GABBR2: variants seen among roughly 807,000 people sequenced by gnomAD.
GABBR2 encodes G-protein coupled receptor 51.
In GABBR2, 23 loss-of-function variants were observed where a neutral mutation model predicts 105.6. The ratio of observed to expected loss-of-function variants is 0.22; its 90% CI spans 0.16 to 0.31. The LOEUF (loss-of-function observed/expected upper bound fraction) is 0.31. Among genes scored for constraint, GABBR2 ranks in the 10% least tolerant of loss-of-function variants. GABBR2 has a pLI of 1.00. For missense variants in GABBR2, 734 were observed against 1,245.5 expected (o/e 0.59, Z 6.18); for synonymous variants, 478 against 499.7 (o/e 0.96, Z 0.58).
At chr9:98,577,205 T>C (rs564457440) in intron 2 of GABBR2, among the ~76,000 whole-genome samples, 1 of 151,180 alleles carries the variant, frequency 6.6e-6, no homozygotes, top group Non-Finnish European at 1.5e-5. Flanking sequence ...GGTGAATGGA[T>C]GGATGGATGG....
chr9:98,566,680 G>GA (rs200915778), intron 2 of GABBR2, among the ~76,000 whole-genome samples: 74 of 143,090 alleles, frequency 5.2e-4, no homozygotes, highest in African/African-American at 1.8e-3. Context: ...GTCTCAAAAA[G>GA]AAAAAAAAAA....
chr9:98,592,034 C>T (rs1829153697), intron 1 of GABBR2, among the ~76,000 whole-genome samples: 1 of 152,242 alleles, frequency 6.6e-6, no homozygotes, highest in Admixed American at 6.5e-5. Flanking sequence ...ACATCCCAGA[C>T]ACCTAGGAGC....
At chr9:98,604,905 T>G (rs1829391029) in intron 1 of GABBR2, among the ~76,000 whole-genome samples, 2 of 151,536 alleles carry the variant, frequency 1.3e-5, no homozygotes, top group South Asian at 4.2e-4. Context: ...CTCCCAGGAG[T>G]CAATCATTCT....
At chr9:98,504,666 T>C (rs531482363) in intron 3 of GABBR2, among the ~76,000 whole-genome samples, 54 of 152,370 alleles carry the variant, frequency 3.5e-4, no homozygotes, top group African/African-American at 1.3e-3. Context: ...TCACTCCTCT[T>C]ACCTGACTAA....
intron 1 of GABBR2, among the ~76,000 whole-genome samples, chr9:98,652,498 G>A (rs1026048878): frequency 6.6e-5 from 10 of 152,130 alleles, no homozygotes; most frequent in Admixed American, 5.9e-4. Flanking sequence ...TGGATCAGTG[G>A]TTTTAGGTCT....
intron 7 of GABBR2, among the ~76,000 whole-genome samples, chr9:98,430,687 C>G (rs999445898): frequency 2.6e-5 from 4 of 152,140 alleles, no homozygotes; most frequent in Non-Finnish European, 5.9e-5. Flanking sequence ...CCATGCAGCT[C>G]TCTCTTCTCC....
intron 7 of GABBR2, among the ~76,000 whole-genome samples, chr9:98,417,842 G>T (rs1191110188): frequency 2.0e-5 from 3 of 152,188 alleles, no homozygotes; most frequent in Admixed American, 1.3e-4. Flanking sequence ...TGGCTTAGGG[G>T]TACAGAGAAG....
At chr9:98,561,061 T>A (rs2131761305) in intron 2 of GABBR2, among the ~76,000 whole-genome samples, 1 of 152,120 alleles carries the variant, frequency 6.6e-6, no homozygotes, top group East Asian at 1.9e-4. Context: ...AAATTCAGGA[T>A]CCAGTCAATA....
intron 7 of GABBR2, among the ~76,000 whole-genome samples, chr9:98,441,266 A>C (rs1460296483): frequency 6.6e-6 from 1 of 151,336 alleles, no homozygotes; most frequent in African/African-American, 2.4e-5. Flanking sequence ...CAGCTAAATA[A>C]AATTGCTCTA....
In GABBR2 at chr9:98,489,831, C is replaced by T. The variant is rs148295102; in HGVS notation, c.732+6582G>A. Among the ~76,000 whole-genome samples the T allele has an allele frequency of 2.1e-3, 317 of 152,306 alleles. 9 individuals are homozygous for T. The East Asian group carries it at 0.044, about 21-fold the overall frequency. On this transcript the variant is annotated intron_variant, in intron 4 of 18. Transcript: ENST00000259455. ...TGTTATGCTTGGCACAGGTGGCTCACGCCTGTAATCCAGCACTTTGGGAGG... is the reference window on the plus strand; with the variant it reads ...TGTTATGCTTGGCACAGGTGGCTCATGCCTGTAATCCAGCACTTTGGGAGG...
intron 12 of GABBR2, among the ~76,000 whole-genome samples, chr9:98,366,625 C>T (rs771029066): frequency 5.3e-5 from 8 of 152,248 alleles, no homozygotes; most frequent in Non-Finnish European, 7.3e-5. Context: ...ACTGGCCTTC[C>T]ACTAGGGCCA....
chr9:98,373,986 T>C (rs1415922987), intron 11 of GABBR2, among the ~76,000 whole-genome samples: 2 of 151,188 alleles, frequency 1.3e-5, no homozygotes, highest in Non-Finnish European at 2.9e-5. Context: ...GTCTCCTGAG[T>C]ATCTGGGACT....
chr9:98,645,847 G>C (rs1395837541), intron 1 of GABBR2, among the ~76,000 whole-genome samples: 1 of 152,230 alleles, frequency 6.6e-6, no homozygotes, highest in Non-Finnish European at 1.5e-5. Context: ...TAGGCACTAA[G>C]TGCTTTACAT....
intron 1 of GABBR2, among the ~76,000 whole-genome samples, chr9:98,643,010 C>T (rs1829985987): frequency 6.6e-6 from 1 of 152,182 alleles, no homozygotes; most frequent in Non-Finnish European, 1.5e-5. Flanking sequence ...TGATCTCTCC[C>T]AGAAGCAGAC....
At chr9:98,451,415 CCAA>C (rs1203865318) in intron 7 of GABBR2, among the ~76,000 whole-genome samples, 1 of 152,180 alleles carries the variant, frequency 6.6e-6, no homozygotes, top group Non-Finnish European at 1.5e-5. Context: ...ATGGACTTCG[CCAA>C]TACATTGTGG....
At chr9:98,505,701 A>G (rs1324347435) in intron 3 of GABBR2, among the ~76,000 whole-genome samples, 2 of 152,148 alleles carry the variant, frequency 1.3e-5, no homozygotes, top group Admixed American at 6.5e-5. Context: ...AGAGACATGA[A>G]GGGGAAGTCC....
At chr9:98,579,635 T>A (rs979003238) in intron 1 of GABBR2, among the ~76,000 whole-genome samples, 1 of 152,146 alleles carries the variant, frequency 6.6e-6, no homozygotes, top group Non-Finnish European at 1.5e-5. Context: ...ATAATTCTCA[T>A]GAAAATCGAT....
At chr9:98,328,718 C>T (rs931340221) in intron 13 of GABBR2, among the ~76,000 whole-genome samples, 1 of 152,116 alleles carries the variant, frequency 6.6e-6, no homozygotes, top group Non-Finnish European at 1.5e-5. Flanking sequence ...ATAAATAGGC[C>T]TTGACTTACT....
chr9:98,560,704 C>T (rs113958780), intron 2 of GABBR2, among the ~76,000 whole-genome samples: 8,694 of 149,514 alleles, frequency 0.058, 310 homozygotes, highest in African/African-American at 0.077. Flanking sequence ...CACCATTTTC[C>T]ACATCTGCTT....
Sources: allele counts gnomAD v4.1 joint callset (sites outside exome capture counted in the v4.1 genomes callset), GRCh38; gene constraint gnomAD v4.1.1; transcripts MANE v1.5; gene names NCBI Gene and HGNC (gene_info 2026-07-23, HGNC 2026-07-21).